The following ATXN1 variants were observed in gnomAD, a reference collection of about 807,000 sequenced individuals.
ATXN1 encodes the protein ataxin 1.
ATXN1 carries 8 observed loss-of-function variants against 56.4 expected under a neutral mutation model. That is an observed-to-expected ratio of 0.14 (90% confidence interval 0.08 to 0.26). The LOEUF (loss-of-function observed/expected upper bound fraction) is 0.26, where lower values mean the gene tolerates loss of function less well. Ranked by LOEUF, ATXN1 falls within the 10% of genes least tolerant of loss-of-function variation. ATXN1 has a pLI of 1.00. For synonymous variants in ATXN1, 514 were observed against 494.6 expected, an observed-to-expected ratio of 1.04 and a Z score of -0.52; for missense variants, 987 against 1,106.5, an observed-to-expected ratio of 0.89 and a Z score of 1.53.
chr6:16,457,535 C>T (rs559521734), intron 6 of ATXN1, among the ~76,000 whole-genome samples: 51 of 152,194 alleles, frequency 3.4e-4, no homozygotes, highest in African/African-American at 8.7e-4. Context: ...TTCTGCACTA[C>T]GGTCTGGCCT....
At chr6:16,371,243 G>A (rs565780838) in intron 6 of ATXN1, among the ~76,000 whole-genome samples, 1 of 151,924 alleles carries the variant, frequency 6.6e-6, no homozygotes, top group African/African-American at 2.4e-5. Flanking sequence ...AATTAAAAAT[G>A]AGTACCTATT....
At chr6:16,719,018 C>A (rs1056711307) in intron 2 of ATXN1, among the ~76,000 whole-genome samples, 1 of 152,126 alleles carries the variant, frequency 6.6e-6, no homozygotes, top group Non-Finnish European at 1.5e-5. Flanking sequence ...CTTTATTTCC[C>A]GGGGACTCTG....
At chr6:16,737,398 G>A (rs1238197332) in intron 2 of ATXN1, 2 of 152,226 alleles carry the variant, frequency 1.3e-5, no homozygotes, top group Non-Finnish European at 2.9e-5. Flanking sequence ...GTTGATGACT[G>A]TTGCAGTTTG....
chr6:16,311,319 C>T (rs2113381110), intron 7 of ATXN1, among the ~76,000 whole-genome samples: 1 of 152,236 alleles, frequency 6.6e-6, no homozygotes, highest in African/African-American at 2.4e-5. Context: ...AGTCATTGGC[C>T]CCCAAACCCA....
At chr6:16,316,683 G>A (rs1002523873) in intron 7 of ATXN1, among the ~76,000 whole-genome samples, 2 of 151,860 alleles carry the variant, frequency 1.3e-5, no homozygotes, top group African/African-American at 4.8e-5. Flanking sequence ...GGAGGCGGAG[G>A]TTGCAGTGAG....
At chr6:16,693,806 A>G (rs1477896386) in intron 2 of ATXN1, among the ~76,000 whole-genome samples, 1 of 152,218 alleles carries the variant, frequency 6.6e-6, no homozygotes, top group African/African-American at 2.4e-5. Context: ...TAGGAAAAGC[A>G]CAGAGAGTAA....
At chr6:16,383,088 C>T (rs1758164433) in intron 6 of ATXN1, among the ~76,000 whole-genome samples, 1 of 152,130 alleles carries the variant, frequency 6.6e-6, no homozygotes, top group South Asian at 2.1e-4. Context: ...GTTCCCCACT[C>T]CCTACCCCGC....
rs147804847 is a variant in ATXN1, at chr6:16,523,476, C to G, written c.-360-788G>C. Among the ~76,000 whole-genome samples, 15 of 152,344 alleles carry G rather than the reference C, an allele frequency of 9.8e-5. No homozygotes were observed. The East Asian group carries it at 2.9e-3, about 29-fold the overall frequency. ...AACTCCTGCCTTAGCCGCCAAGTAG[C>G]TGGGACTACAGGCATGTGCCACCAC... On this transcript the variant is annotated intron_variant, in intron 4 of 7. Transcript: ENST00000436367.
At chr6:16,389,053 G>C (rs1280320590) in intron 6 of ATXN1, among the ~76,000 whole-genome samples, 1 of 152,182 alleles carries the variant, frequency 6.6e-6, no homozygotes, top group East Asian at 1.9e-4. Context: ...AAAGATGATA[G>C]TGGCCCGGCG....
At chr6:16,686,259 A>G (rs915583973) in intron 2 of ATXN1, among the ~76,000 whole-genome samples, 3 of 152,228 alleles carry the variant, frequency 2.0e-5, no homozygotes, top group African/African-American at 7.2e-5. Context: ...CATATCAGAT[A>G]CTAAAATATA....
chr6:16,533,055 G>C (rs921744814), intron 4 of ATXN1, among the ~76,000 whole-genome samples: 8 of 152,206 alleles, frequency 5.3e-5, no homozygotes, highest in African/African-American at 1.2e-4. Flanking sequence ...TAAAGAGGAA[G>C]GAGATTCTGA....
In ATXN1 at chr6:16,760,046, C is replaced by T. The variant is rs1193544715; in HGVS notation, c.-730+1252G>A. Among the ~76,000 whole-genome samples, 4 of 151,818 alleles carry T rather than the reference C, an allele frequency of 2.6e-5. No homozygotes were observed. Among genetic ancestry groups the T allele is most frequent in the Non-Finnish European group, 4.4e-5 (3 of 67,916 alleles). On this transcript the variant is annotated intron_variant, in intron 1 of 7. Transcript: ENST00000436367. The surrounding 1 kb of genome is among the most constrained non-coding windows in gnomAD (Gnocchi z 5.3). ...CACTCACACTCACGCCGCGCTCCGA[C>T]ACCGCCTCACCTCTCGCTCCGCCCG...
intron 3 of ATXN1, among the ~76,000 whole-genome samples, chr6:16,634,630 T>C (rs982536154): frequency 3.9e-5 from 6 of 152,202 alleles, no homozygotes; most frequent in South Asian, 2.1e-4. Context: ...TCTGTCTCTA[T>C]GGATTTGTCT....
chr6:16,356,971 C>G (rs938233105), intron 6 of ATXN1, among the ~76,000 whole-genome samples: 3 of 152,032 alleles, frequency 2.0e-5, no homozygotes, highest in Non-Finnish European at 4.4e-5. Context: ...ACAATCAGAC[C>G]ATAATACGGA....
intron 2 of ATXN1, among the ~76,000 whole-genome samples, chr6:16,751,112 G>T (rs1760705981): frequency 6.6e-6 from 1 of 151,916 alleles, no homozygotes; most frequent in Admixed American, 6.6e-5. Flanking sequence ...GGGATTACAG[G>T]AACCTGCCAC....
chr6:16,425,103 A>G lies in ATXN1; in HGVS notation c.-161+60869T>C, dbSNP rs1759122430. On this transcript the variant is annotated intron_variant, in intron 6 of 7. Transcript: ENST00000436367. ...TTTTTTCCCTCTAAAATGCTACCAA[A>G]CACTAGATCTCTTAGTTCTTTCATA... is the stretch of plus-strand genomic sequence containing the variant. Among the ~76,000 whole-genome samples, 6 of 152,220 alleles carry G rather than the reference A, an allele frequency of 3.9e-5. No individual in the cohort carries two copies. In the South Asian group the frequency reaches 1.2e-3, roughly 32 times the overall value.
At chr6:16,385,103 G>A (rs967732053) in intron 6 of ATXN1, among the ~76,000 whole-genome samples, 2 of 152,122 alleles carry the variant, frequency 1.3e-5, no homozygotes, top group Non-Finnish European at 2.9e-5. Flanking sequence ...GATGTGAGAG[G>A]GAACATTGTC....
chr6:16,617,776 A>AAAAAGAAC (rs1554120387), intron 3 of ATXN1, among the ~76,000 whole-genome samples: 1 of 151,492 alleles, frequency 6.6e-6, no homozygotes, highest in Non-Finnish European at 1.5e-5. Context: ...CAAAAAAAAA[A>AAAAAGAAC]AAAAAAGAAA....
intron 6 of ATXN1, among the ~76,000 whole-genome samples, chr6:16,358,876 G>A (rs1761748222): frequency 6.6e-6 from 1 of 152,220 alleles, no homozygotes; most frequent in Non-Finnish European, 1.5e-5. Flanking sequence ...CACGGCTGCA[G>A]ACCTGGGCCT....
Sources: allele counts gnomAD v4.1 joint callset (sites outside exome capture counted in the v4.1 genomes callset), GRCh38; gene constraint gnomAD v4.1.1; non-coding constraint Gnocchi (gnomAD v3.1); transcripts MANE v1.5; gene names NCBI Gene and HGNC (gene_info 2026-07-23, HGNC 2026-07-21).